The following SARNP variants were observed in gnomAD, a reference collection of about 807,000 sequenced individuals.
SARNP encodes SAP domain containing ribonucleoprotein, also known as SAP domain-containing ribonucleoprotein.
SARNP carries 5 observed loss-of-function variants against 38.1 expected under a neutral mutation model. The observed-to-expected ratio is 0.13, with a 90% CI of 0.07 to 0.28. The LOEUF (loss-of-function observed/expected upper bound fraction) is 0.28, where lower values mean the gene tolerates loss of function less well. SARNP is among the 10% of genes least tolerant of loss of function. The pLI is 1.00. For synonymous variants in SARNP, 84 were observed against 80.6 expected (o/e 1.04, Z -0.23); for missense variants, 180 against 243.9 (o/e 0.74, Z 1.75).
chr12:55,816,867 G>A (rs1056950734), intron 1 of SARNP, among the ~76,000 whole-genome samples: 1 of 152,110 alleles, frequency 6.6e-6, no homozygotes, highest in Non-Finnish European at 1.5e-5. Flanking sequence ...TTCAGTGTCA[G>A]CCAATGGTAA....
intron 4 of SARNP, among the ~76,000 whole-genome samples, chr12:55,798,318 C>T (rs1246824553): frequency 1.3e-5 from 2 of 151,990 alleles, no homozygotes; most frequent in African/African-American, 2.4e-5. Context: ...GCAAACACGG[C>T]GAAACCCCAT....
rs540749959 is a variant in SARNP, at chr12:55,777,516, G to A, written c.501+11559C>T. Among the ~76,000 whole-genome samples the A allele has an allele frequency of 8.6e-5, 13 of 151,646 alleles. No homozygotes were observed. In the South Asian group the frequency reaches 2.3e-3, roughly 27 times the overall value. ...CAGCCTCCCGAGTAGCTGGGACTACGGGCACATGCCACCATGCGCTGCTAA... is the reference window on the plus strand; with the variant it reads ...CAGCCTCCCGAGTAGCTGGGACTACAGGCACATGCCACCATGCGCTGCTAA... On this transcript the variant is annotated intron_variant, in intron 9 of 10. Coordinates refer to ENST00000336133, the MANE Select transcript of SARNP (RefSeq NM_033082.4).
chr12:55,798,537 C>G (rs994508205), intron 4 of SARNP, among the ~76,000 whole-genome samples: 1 of 152,038 alleles, frequency 6.6e-6, no homozygotes. Context: ...AAAAATCTAT[C>G]AAGATGTTAA....
intron 10 of SARNP, among the ~76,000 whole-genome samples, chr12:55,758,177 T>C (rs532532856): frequency 2.0e-5 from 3 of 152,350 alleles, no homozygotes; most frequent in Non-Finnish European, 4.4e-5. Context: ...GGAAGACTTC[T>C]GGTTCTGGAA....
chr12:55,768,507 C>A (rs963709458), intron 9 of SARNP, among the ~76,000 whole-genome samples: 1 of 151,882 alleles, frequency 6.6e-6, no homozygotes, highest in Non-Finnish European at 1.5e-5. Context: ...TCACTGCAAC[C>A]CCCACCTCCC....
chr12:55,785,779 CAAA>C (rs762555029), intron 9 of SARNP, among the ~76,000 whole-genome samples: 2 of 90,670 alleles, frequency 2.2e-5, no homozygotes. Context: ...CTGTCTCAGA[CAAA>C]AAAAAAAAAA....
At chr12:55,753,785 A>C (rs901065572), downstream of SARNP, 1 of 151,114 alleles carries the variant, frequency 6.6e-6, no homozygotes, top group African/African-American at 2.4e-5. Context: ...AAAAAAAAAA[A>C]AAAAAAAAAA....
chr12:55,784,632 G>C lies in SARNP; in HGVS notation c.501+4443C>G, dbSNP rs772260. ...TAACAATGGTCCAAGTATGTGGTCT[G>C]ATAAATAATTTCTACGCCACTCACA... On this transcript the variant is annotated intron_variant, in intron 9 of 10. Coordinates refer to ENST00000336133, the MANE Select transcript of SARNP (RefSeq NM_033082.4). Among the ~76,000 whole-genome samples, 1,028 of 152,310 alleles carry C rather than the reference G, an allele frequency of 6.7e-3. 15 individuals carry two copies. Among genetic ancestry groups the C allele is most frequent in the African/African-American group, 0.024 (978 of 41,566 alleles).
intron 9 of SARNP, among the ~76,000 whole-genome samples, chr12:55,781,326 G>A (rs1286457467): frequency 1.3e-5 from 2 of 151,866 alleles, no homozygotes; most frequent in African/African-American, 4.8e-5. Context: ...ACAAAGTCAG[G>A]AGTTCGAGAC....
chr12:55,752,672 G>C (rs1878362186), downstream of SARNP: 1 of 152,160 alleles, frequency 6.6e-6, no homozygotes, highest in Non-Finnish European at 1.5e-5. Flanking sequence ...GCTGACAGGG[G>C]CATTGGAATG....
intron 9 of SARNP, among the ~76,000 whole-genome samples, chr12:55,782,290 G>C (rs2136190125): frequency 6.6e-6 from 1 of 152,326 alleles, no homozygotes; most frequent in Non-Finnish European, 1.5e-5. Flanking sequence ...TCCTGGGGAA[G>C]GAGAAGAGTA....
At position 55,769,116 on chromosome 12, in the gene SARNP, T is replaced by C. The variant is rs114691351; in HGVS notation, c.502-8476A>G. ...AACGACTAACAATAAAAGATATCTA[T>C]TTAAGGTAATATATGAGGGGACTGG... is the stretch of plus-strand genomic sequence containing the variant. On this transcript the variant is annotated intron_variant, in intron 9 of 10. Transcript: ENST00000336133. Among the ~76,000 whole-genome samples the C allele has an allele frequency of 6.3e-3, 963 of 152,344 alleles. 7 individuals carry two copies. Among genetic ancestry groups the C allele is most frequent in the African/African-American group, 0.022 (929 of 41,574 alleles).
At chr12:55,805,244 G>A (rs904849091) in intron 1 of SARNP, among the ~76,000 whole-genome samples, 8 of 152,212 alleles carry the variant, frequency 5.3e-5, no homozygotes, top group African/African-American at 1.7e-4. Flanking sequence ...CTGGGCGAAA[G>A]TGCGAGACTC....
At chr12:55,798,247 A>C (rs1183660458) in intron 4 of SARNP, among the ~76,000 whole-genome samples, 1 of 152,212 alleles carries the variant, frequency 6.6e-6, no homozygotes, top group Non-Finnish European at 1.5e-5. Flanking sequence ...CTGTAATCCC[A>C]GCACTTTGGG....
chr12:55,817,634 G>A (rs935821780), intron 1 of SARNP, 32 bp downstream of exon 1: 3 of 1,603,740 alleles, frequency 1.9e-6, no homozygotes, highest in Non-Finnish European at 2.6e-6. Context: ...TCCTAGAAAA[G>A]TCCAACTCAG....
intron 7 of SARNP, chr12:55,794,002 T>G (rs1052719368): frequency 9.1e-6 from 2 of 220,318 alleles, no homozygotes; most frequent in African/African-American, 4.7e-5. Context: ...GTAGAAGATA[T>G]TCTTTTCCCT....
At chr12:55,799,132 T>C (rs1879904352) in intron 4 of SARNP, among the ~76,000 whole-genome samples, 2 of 152,184 alleles carry the variant, frequency 1.3e-5, no homozygotes, top group Admixed American at 6.5e-5. Flanking sequence ...CTTCCAAAAG[T>C]ATGTACTGTT....
At chr12:55,806,266 T>C (rs1300031222) in intron 1 of SARNP, among the ~76,000 whole-genome samples, 1 of 150,176 alleles carries the variant, frequency 6.7e-6, no homozygotes, top group East Asian at 1.9e-4. Flanking sequence ...GAAGACTAAA[T>C]TAAAAAAAAT....
chr12:55,813,887 C>T (rs940770891), intron 1 of SARNP, among the ~76,000 whole-genome samples: 7 of 152,122 alleles, frequency 4.6e-5, no homozygotes, highest in African/African-American at 1.7e-4. Flanking sequence ...CAACCTAAGG[C>T]AAGTTACTCA....
Sources: allele counts gnomAD v4.1 joint callset (sites outside exome capture counted in the v4.1 genomes callset), GRCh38; gene constraint gnomAD v4.1.1; transcripts MANE v1.5; gene names NCBI Gene and HGNC (gene_info 2026-07-23, HGNC 2026-07-21).